Variants in DPP10 observed in about 807,000 individuals in gnomAD.
DPP10 encodes the protein inactive dipeptidyl peptidase 10.
In DPP10, 33 loss-of-function variants were observed where a neutral mutation model predicts 120.9. The observed-to-expected ratio is 0.27, with a 90% CI of 0.21 to 0.37. The LOEUF is 0.37. DPP10 is among the 10% of genes least tolerant of loss of function. The probability of loss-of-function intolerance (pLI) is 1.00; values close to 1 mark genes in which losing one functional copy is unlikely to be tolerated. For missense variants in DPP10, 816 were observed against 942.8 expected (o/e 0.87, Z 1.76); for synonymous variants, 337 against 326.1 (o/e 1.03, Z -0.36).
chr2:114,694,529 A>G (rs1394787273), intron 1 of DPP10, among the ~76,000 whole-genome samples: 2 of 152,032 alleles, frequency 1.3e-5, no homozygotes, highest in Non-Finnish European at 2.9e-5. Flanking sequence ...AAATTAGGAC[A>G]AAATTAATAT....
chr2:114,780,994 A>G (rs1451718751), intron 1 of DPP10, among the ~76,000 whole-genome samples: 1 of 152,174 alleles, frequency 6.6e-6, no homozygotes, highest in Non-Finnish European at 1.5e-5. Context: ...CTACTAGGAT[A>G]TAAGCTTCAA....
chr2:115,644,148 T>C (rs1460519426), intron 5 of DPP10, among the ~76,000 whole-genome samples: 1 of 151,868 alleles, frequency 6.6e-6, no homozygotes, highest in African/African-American at 2.4e-5. Flanking sequence ...AAATAATAGT[T>C]TCTTTTTTTA....
At position 115,720,125 on chromosome 2, in the gene DPP10, G is replaced by T. The variant is rs530997622; in HGVS notation, c.577-7691G>T. Among the ~76,000 whole-genome samples, 57 of 152,268 alleles carry T rather than the reference G, an allele frequency of 3.7e-4. 1 individual carries two copies. The highest frequency in any genetic ancestry group is 1.2e-3 in the Admixed American group (18 of 15,280). On this transcript the variant is annotated intron_variant, in intron 7 of 25. Transcript: ENST00000410059. ...GAACTGTCAAAAGGATTGACAAATT[G>T]ATTGTACCAATTTATTCTCCCACCA... is the stretch of plus-strand genomic sequence containing the variant.
chr2:115,768,491 T>A, intron 13 of DPP10, 87 bp downstream of exon 13: 1 of 1,207,272 alleles, frequency 8.3e-7, no homozygotes, highest in Non-Finnish European at 1.2e-6. Flanking sequence ...AACCTCTAGT[T>A]CATGGTGGTG....
chr2:114,521,161 G>A (rs1430101), intron 1 of DPP10, among the ~76,000 whole-genome samples: 122,397 of 151,976 alleles, frequency 0.81, 49,360 homozygotes, highest in Admixed American at 0.87. Flanking sequence ...AGTAAAATGA[G>A]TGTAAGCTAG....
intron 1 of DPP10, among the ~76,000 whole-genome samples, chr2:114,489,538 G>T (rs1681803814): frequency 6.6e-6 from 1 of 152,344 alleles, no homozygotes; most frequent in Non-Finnish European, 1.5e-5. Flanking sequence ...CAGGAAGGCA[G>T]CATGGCAGAT....
intron 1 of DPP10, among the ~76,000 whole-genome samples, chr2:114,882,753 T>C (rs1374943584): frequency 6.6e-6 from 1 of 152,014 alleles, no homozygotes; most frequent in East Asian, 1.9e-4. Flanking sequence ...TAAATATAAA[T>C]ACATAAATTT....
chr2:114,939,276 G>A (rs1185618667), intron 1 of DPP10, among the ~76,000 whole-genome samples: 2 of 152,028 alleles, frequency 1.3e-5, no homozygotes, highest in Non-Finnish European at 2.9e-5. Flanking sequence ...GTTGAAAGGG[G>A]GGGGTGGTTA....
chr2:115,247,344 C>T (rs1371295204), intron 1 of DPP10, among the ~76,000 whole-genome samples: 1 of 152,092 alleles, frequency 6.6e-6, no homozygotes, highest in Non-Finnish European at 1.5e-5. Context: ...GGCAGTTACA[C>T]TTGTGGGAGG....
intron 1 of DPP10, among the ~76,000 whole-genome samples, chr2:114,626,829 G>GT (rs1362556923): frequency 6.6e-6 from 1 of 152,076 alleles, no homozygotes; most frequent in African/African-American, 2.4e-5. Context: ...TGATTTACGA[G>GT]TTGGCATTAA....
At chr2:114,762,547 A>G (rs1680373411) in intron 1 of DPP10, among the ~76,000 whole-genome samples, 1 of 152,224 alleles carries the variant, frequency 6.6e-6, no homozygotes, top group Non-Finnish European at 1.5e-5. Flanking sequence ...ATGGAATATA[A>G]AAGGAAGCAG....
rs535736100 is a variant in DPP10, at chr2:115,030,047, G to A, written c.61-279192G>A. Among the ~76,000 whole-genome samples the A allele has an allele frequency of 2.6e-5, 4 of 152,188 alleles. No individual in the cohort carries two copies. The South Asian group carries it at 6.2e-4, about 24-fold the overall frequency. The stretch of plus-strand genomic sequence containing the variant: ...AAACTCATGCTGCTTTCACTTTCCA[G>A]GACTTTCAACAATGAATTTCTTCAA... On this transcript the variant is annotated intron_variant, in intron 1 of 25. Transcript: ENST00000410059.
chr2:115,528,045 T>A (rs890964586), intron 5 of DPP10, among the ~76,000 whole-genome samples: 2 of 152,154 alleles, frequency 1.3e-5, no homozygotes, highest in African/African-American at 4.8e-5. Context: ...CATGTGTCTT[T>A]ATAGCAGCAT....
At chr2:115,194,115 C>T (rs1297667820) in intron 1 of DPP10, among the ~76,000 whole-genome samples, 1 of 152,178 alleles carries the variant, frequency 6.6e-6, no homozygotes, top group Non-Finnish European at 1.5e-5. Context: ...GGTGTGCTCA[C>T]AATGAAGTTT....
intron 1 of DPP10, among the ~76,000 whole-genome samples, chr2:114,526,743 G>A (rs1186090123): frequency 6.6e-6 from 1 of 151,974 alleles, no homozygotes; most frequent in Non-Finnish European, 1.5e-5. Context: ...TTTTATAAGA[G>A]CACTAATCCC....
chr2:115,008,124 A>G (rs1701989305), intron 1 of DPP10, among the ~76,000 whole-genome samples: 1 of 137,042 alleles, frequency 7.3e-6, no homozygotes, highest in Non-Finnish European at 1.6e-5. Flanking sequence ...CACCAAGTCA[A>G]TCCTAAGCCA....
At chr2:115,215,581 C>T (rs1305480215) in intron 1 of DPP10, among the ~76,000 whole-genome samples, 1 of 151,946 alleles carries the variant, frequency 6.6e-6, no homozygotes. Context: ...TTAATGCAAC[C>T]CCTATTGAAA....
chr2:115,275,531 C>T (rs1206550502), intron 1 of DPP10, among the ~76,000 whole-genome samples: 2 of 152,064 alleles, frequency 1.3e-5, no homozygotes, highest in African/African-American at 4.8e-5. Flanking sequence ...TTTCCAAGTT[C>T]ACATACTAAG....
At chr2:115,511,501 T>A (rs1392548190) in intron 4 of DPP10, among the ~76,000 whole-genome samples, 2 of 151,884 alleles carry the variant, frequency 1.3e-5, no homozygotes, top group Non-Finnish European at 2.9e-5. Context: ...TTATTTTTCT[T>A]TTCAAGGAAG....
Sources: gnomAD v4.1 joint callset for allele counts (sites outside exome capture counted in the v4.1 genomes callset) on GRCh38, gnomAD v4.1.1 for gene constraint, MANE v1.5 for transcripts, NCBI Gene and HGNC (gene_info 2026-07-23, HGNC 2026-07-21) for gene names.